Variants in CD74 observed in about 807,000 individuals in gnomAD.
CD74 encodes HLA class II histocompatibility antigen gamma chain.
CD74 carries 20 observed loss-of-function variants against 37.1 expected under a neutral mutation model. That is an observed-to-expected ratio of 0.54 (90% CI 0.38 to 0.78). The LOEUF is 0.78. Ranked by LOEUF, CD74 falls within the 30% of genes least tolerant of loss-of-function variation. CD74 has a pLI of 0.00. For synonymous variants in CD74, 150 were observed against 152.0 expected, an observed-to-expected ratio of 0.99 and a Z score of 0.10; for missense variants, 338 against 389.5, an observed-to-expected ratio of 0.87 and a Z score of 1.11.
Position 150,412,874 on chromosome 5 carries a change from C to G in CD74, c.-125G>C. 1 of 1,535,632 alleles carries G rather than the reference C, an allele frequency of 6.5e-7. No homozygotes were observed. The highest frequency in any genetic ancestry group is 8.7e-7 in the Non-Finnish European group (1 of 1,144,314). On this transcript the variant is annotated 5_prime_UTR_variant, in exon 1 of 9. Coordinates refer to ENST00000009530, the MANE Select transcript of CD74 (RefSeq NM_001025159.3). Reference sequence around the variant, plus strand: ...GTGAAAGCTACAAAGGCTGGAAATACCCCACTTTGGTGAAGCTGCCTTTTG... The same window carrying G: ...GTGAAAGCTACAAAGGCTGGAAATAGCCCACTTTGGTGAAGCTGCCTTTTG...
rs2151169095 is a variant in CD74 at position 150,403,008 on chromosome 5, A to C, written c.817+113T>G. On this transcript the variant is annotated intron_variant, in intron 7 of 8. Transcript: ENST00000009530. This position sits in a 1 kb window ranked among gnomAD's most constrained non-coding sequence, Gnocchi z 4.5. Reference sequence around the variant, plus strand: ...GACGCATGACTACGTCACTGCCCCCAGGAGCTGCCATCCTGGGTGTCCTGG... The same window carrying C: ...GACGCATGACTACGTCACTGCCCCCCGGAGCTGCCATCCTGGGTGTCCTGG... The C allele has an allele frequency of 4.8e-6, 4 of 829,162 alleles. No homozygotes were observed. Among genetic ancestry groups the C allele is most frequent in the South Asian group, 1.7e-5 (1 of 60,034 alleles). The allele number at this position is 829,162 out of a possible 1,614,324, so 51.4% of individuals were successfully genotyped here.
chr5:150,408,614 G>A (rs544025177), intron 1 of CD74, among the ~76,000 whole-genome samples: 29 of 152,244 alleles, frequency 1.9e-4, no homozygotes, highest in African/African-American at 6.0e-4. Flanking sequence ...CCAGACCCTC[G>A]GACCTCAGCA....
intron 1 of CD74, 71 bp downstream of exon 1, chr5:150,412,554 C>T: frequency 8.4e-7 from 1 of 1,187,934 alleles, no homozygotes; most frequent in African/African-American, 1.5e-5. Flanking sequence ...CTGGCCGGTG[C>T]TTCTTCCCAG....
rs114609092 is a variant in CD74, at chr5:150,404,313, T to C, written c.625+367A>G. 9.0e-3 allele frequency among the ~76,000 whole-genome samples: 1,372 copies of C among 152,260 alleles called. 30 individuals carry two copies. Among genetic ancestry groups the C allele is most frequent in the African/African-American group, 0.031 (1,288 of 41,538 alleles). On this transcript the variant is annotated intron_variant, in intron 6 of 8. Coordinates refer to ENST00000009530, the MANE Select transcript of CD74 (RefSeq NM_001025159.3). ...TGTGACCTTGGCGCCCTCACTGGATTGCGGGCAGCACTGGGGCAAGGTCAT... is the reference window on the plus strand; with the variant it reads ...TGTGACCTTGGCGCCCTCACTGGATCGCGGGCAGCACTGGGGCAAGGTCAT...
intron 1 of CD74, among the ~76,000 whole-genome samples, chr5:150,408,343 G>A (rs1770118257): frequency 6.6e-6 from 1 of 152,182 alleles, no homozygotes; most frequent in South Asian, 2.1e-4. Context: ...CACCCACTCT[G>A]GGGCCATCCT....
chr5:150,401,873 T>G lies in CD74; in HGVS notation c.*367A>C, dbSNP rs1769632897. ...GAGAGGACAGTCAGCATGTCCAGCC[T>G]GGGGTCTGGGTGTAGGGTTATCCCT... On this transcript the variant is annotated 3_prime_UTR_variant, in exon 9 of 9. Transcript: ENST00000009530. 1.4e-6 allele frequency: 1 copy of G among 710,106 alleles called. No homozygotes were observed. The allele number at this position is 710,106 out of a possible 1,614,324, so 44.0% of individuals were successfully genotyped here.
intron 4 of CD74, chr5:150,405,855 ACC>A: frequency 6.1e-6 from 1 of 162,688 alleles, no homozygotes; most frequent in Non-Finnish European, 1.3e-5. Flanking sequence ...GCTCACTGCA[ACC>A]TCCACTTCCC....
chr5:150,407,341 G>C lies in CD74; in HGVS notation c.126-17C>G. The C allele has an allele frequency of 6.3e-7, 1 of 1,595,138 alleles. No individual in the cohort carries two copies. The highest frequency in any genetic ancestry group is 8.5e-7 in the Non-Finnish European group (1 of 1,171,744). On this transcript the variant is annotated splice_polypyrimidine_tract_variant and intron_variant, in intron 1 of 8. Coordinates refer to ENST00000009530, the MANE Select transcript of CD74 (RefSeq NM_001025159.3). The surrounding 1 kb of genome is among the most constrained non-coding windows in gnomAD (Gnocchi z 4.4). Reference sequence around the variant, plus strand: ...CTGCACTTGCTGTGGGAGGTGGGGAGGATAGGTCAGAGGAGGATCCACAGT... The same window carrying C: ...CTGCACTTGCTGTGGGAGGTGGGGACGATAGGTCAGAGGAGGATCCACAGT...
At chr5:150,409,567 C>T (rs1229502775) in intron 1 of CD74, among the ~76,000 whole-genome samples, 1 of 151,508 alleles carries the variant, frequency 6.6e-6, no homozygotes, top group Non-Finnish European at 1.5e-5. Flanking sequence ...GTGGTGGGCA[C>T]CTGTAGTCCC....
intron 1 of CD74, among the ~76,000 whole-genome samples, 158 bp downstream of exon 1, chr5:150,412,467 C>CAGGCCAA (rs1437367152): frequency 6.6e-6 from 1 of 152,250 alleles, no homozygotes; most frequent in African/African-American, 2.4e-5. Context: ...GAGCCCAGAG[C>CAGGCCAA]AGGCCAAAGA....
At chr5:150,411,736 T>G (rs1307748498) in intron 1 of CD74, among the ~76,000 whole-genome samples, 1 of 152,184 alleles carries the variant, frequency 6.6e-6, no homozygotes, top group African/African-American at 2.4e-5. Flanking sequence ...TCCAGAAATT[T>G]AACCAGAGCC....
In CD74 at chr5:150,402,728, G is replaced by C. The variant is rs2151167917; in HGVS notation, c.818-103C>G. 1 of 973,402 alleles carries C rather than the reference G, an allele frequency of 1.0e-6. No homozygotes were observed. Among genetic ancestry groups the C allele is most frequent in the Non-Finnish European group, 1.6e-6 (1 of 638,310 alleles). The allele number at this position is 973,402 out of a possible 1,614,324, so 60.3% of individuals were successfully genotyped here. On this transcript the variant is annotated intron_variant, in intron 7 of 8. Transcript: ENST00000009530. This position sits in a 1 kb window ranked among gnomAD's most constrained non-coding sequence, Gnocchi z 4.2. ...CACCTAGCCACAGGCTTAGTGCCTG[G>C]GAAAGCAGGTACCCAGGGAAGGACA...
At chr5:150,406,185 C>T in intron 4 of CD74, 74 bp downstream of exon 4, 1 of 1,080,558 alleles carries the variant, frequency 9.3e-7, no homozygotes, top group Non-Finnish European at 1.4e-6. Flanking sequence ...GCCAGGTATA[C>T]AGGCCTTGGA....
At chr5:150,412,331 C>A (rs1770391376) in intron 1 of CD74, among the ~76,000 whole-genome samples, 1 of 152,344 alleles carries the variant, frequency 6.6e-6, no homozygotes, top group South Asian at 2.1e-4. Context: ...CCCTGCATAG[C>A]ATGTGAAACT....
At chr5:150,408,881 C>A (rs927546249) in intron 1 of CD74, among the ~76,000 whole-genome samples, 4 of 152,176 alleles carry the variant, frequency 2.6e-5, no homozygotes, top group Admixed American at 2.6e-4. Context: ...GGAGTTGGTT[C>A]TCTCTTGCCC....
chr5:150,404,062 G>GA (rs1387713320), intron 6 of CD74, among the ~76,000 whole-genome samples: 1 of 152,198 alleles, frequency 6.6e-6, no homozygotes, highest in Non-Finnish European at 1.5e-5. Flanking sequence ...AGCATGTAAG[G>GA]TGCCTTCTAT....
chr5:150,408,100 A>C (rs1190805175), intron 1 of CD74, among the ~76,000 whole-genome samples: 1 of 151,546 alleles, frequency 6.6e-6, no homozygotes, highest in East Asian at 1.9e-4. Flanking sequence ...ATTTTTTTTA[A>C]TTGACAAAAC....
chr5:150,412,407 C>G, intron 1 of CD74, among the ~76,000 whole-genome samples: 1 of 152,346 alleles, frequency 6.6e-6, no homozygotes, highest in South Asian at 2.1e-4. Context: ...AGGAAAGTTA[C>G]AAACTCCTGC....
chr5:150,405,030 C>G, intron 5 of CD74, 55 bp downstream of exon 5: 1 of 1,534,048 alleles, frequency 6.5e-7, no homozygotes, highest in Non-Finnish European at 9.0e-7. Flanking sequence ...CTCTCCTAGC[C>G]CTGCCCTAGA....
Sources: gnomAD v4.1 joint callset for allele counts (sites outside exome capture counted in the v4.1 genomes callset) on GRCh38, gnomAD v4.1.1 for gene constraint, Gnocchi (gnomAD v3.1) non-coding constraint, MANE v1.5 for transcripts, NCBI Gene and HGNC (gene_info 2026-07-23, HGNC 2026-07-21) for gene names.